The following SVEP1 variants were observed in gnomAD, a reference collection of about 807,000 sequenced individuals.
SVEP1 encodes sushi, von Willebrand factor type A, EGF and pentraxin domain containing 1, also known as sushi, von Willebrand factor type A, EGF and pentraxin domain-containing protein 1.
SVEP1 carries 164 observed loss-of-function variants against 367.3 expected under a neutral mutation model. The observed-to-expected ratio is 0.45, with a 90% CI of 0.39 to 0.51. The LOEUF (loss-of-function observed/expected upper bound fraction) is 0.51, where lower values mean the gene tolerates loss of function less well. Ranked by LOEUF, SVEP1 falls within the 20% of genes least tolerant of loss-of-function variation. The pLI, the probability that SVEP1 is intolerant of heterozygous loss-of-function variation, is 0.00. For missense variants in SVEP1, 4,117 were observed against 4,425.3 expected, an observed-to-expected ratio of 0.93 and a Z score of 1.98; for synonymous variants, 1,666 against 1,611.6, an observed-to-expected ratio of 1.03 and a Z score of -0.81.
chr9:110,487,500 A>ATAG (rs1491326013), intron 9 of SVEP1, among the ~76,000 whole-genome samples: 1 of 152,238 alleles, frequency 6.6e-6, no homozygotes, highest in Non-Finnish European at 1.5e-5. Flanking sequence ...GCATTGTGAA[A>ATAG]TAGTCTGATT....
intron 1 of SVEP1, among the ~76,000 whole-genome samples, chr9:110,556,529 C>G (rs1830359787): frequency 1.3e-5 from 2 of 152,196 alleles, no homozygotes; most frequent in South Asian, 4.1e-4. Flanking sequence ...AAGTCTCACT[C>G]TGTCACCCAG....
chr9:110,531,447 C>A (rs568960175), intron 3 of SVEP1, among the ~76,000 whole-genome samples: 1 of 152,060 alleles, frequency 6.6e-6, no homozygotes, highest in Admixed American at 6.6e-5. Flanking sequence ...ATGCTGTTCT[C>A]GTGACAGTGA....
chr9:110,447,081 A>T, intron 24 of SVEP1, 24 bp from the exon 25 acceptor site: 1 of 1,448,970 alleles, frequency 6.9e-7, no homozygotes, highest in Non-Finnish European at 9.1e-7. Flanking sequence ...AAATGTTGTA[A>T]CAATTAGAAC....
chr9:110,465,295 T>G (rs1328846420), intron 18 of SVEP1, among the ~76,000 whole-genome samples: 5 of 140,154 alleles, frequency 3.6e-5, no homozygotes, highest in Admixed American at 1.4e-4. Flanking sequence ...TGGGGAAACT[T>G]AAAAAAAAAA....
intron 1 of SVEP1, 59 bp downstream of exon 1, chr9:110,578,954 A>T: frequency 6.6e-7 from 1 of 1,518,226 alleles, no homozygotes. Context: ...ACGGGCAGGC[A>T]GCGGTGGGTC....
chr9:110,476,504 G>A (rs181578196), intron 13 of SVEP1, among the ~76,000 whole-genome samples, 189 bp from the exon 14 acceptor site: 3 of 152,214 alleles, frequency 2.0e-5, no homozygotes, highest in Non-Finnish European at 4.4e-5. Flanking sequence ...TGGTCACCAG[G>A]ATTAGTTTCA....
At chr9:110,391,543 G>A (rs1564128044) in intron 40 of SVEP1, among the ~76,000 whole-genome samples, 1 of 151,978 alleles carries the variant, frequency 6.6e-6, no homozygotes, top group Non-Finnish European at 1.5e-5. Flanking sequence ...AAGTGCTGAG[G>A]TTATAGGCGT....
chr9:110,463,797 A>G (rs897034793), intron 18 of SVEP1, among the ~76,000 whole-genome samples: 1 of 151,942 alleles, frequency 6.6e-6, no homozygotes, highest in African/African-American at 2.4e-5. Context: ...TATATAAGGG[A>G]CCGTTTTAGA....
At chr9:110,512,739 G>C in intron 5 of SVEP1, 187 bp downstream of exon 5, 1 of 725,354 alleles carries the variant, frequency 1.4e-6, no homozygotes, top group South Asian at 1.8e-5. Flanking sequence ...AAAAGGCGTA[G>C]TTTACAATTA....
At position 110,546,346 on chromosome 9, in the gene SVEP1, A is replaced by G. The variant is rs1381235042; in HGVS notation, c.788-55T>C. On this transcript the variant is annotated intron_variant, in intron 2 of 47. Transcript: ENST00000374469. ...AAAATGAGTCACAGTTCAATGTTAC[A>G]TTCTCTGGTCATTAAAATTTAAGTG... is the stretch of plus-strand genomic sequence containing the variant. 4.6e-6 allele frequency: 7 copies of G among 1,513,386 alleles called. No individual in the cohort carries two copies. The South Asian group carries it at 7.5e-5, about 16-fold the overall frequency. 93.7% of individuals were successfully genotyped at this position (1,513,386 alleles called of 1,614,324 possible). A position where few individuals can be genotyped will look rare whatever the true frequency, so the allele number is the denominator to read the frequency against.
At chr9:110,540,591 C>T (rs369044716) in intron 3 of SVEP1, among the ~76,000 whole-genome samples, 2 of 152,188 alleles carry the variant, frequency 1.3e-5, no homozygotes, top group South Asian at 2.1e-4. Flanking sequence ...GAGAAAAGAA[C>T]AAGAACGACA....
At chr9:110,393,931 G>T (rs1827711847) in intron 40 of SVEP1, among the ~76,000 whole-genome samples, 1 of 152,190 alleles carries the variant, frequency 6.6e-6, no homozygotes, top group African/African-American at 2.4e-5. Context: ...ACCTCTGGGG[G>T]CAGGGCACAG....
At chr9:110,562,322 TA>T (rs1358653821) in intron 1 of SVEP1, among the ~76,000 whole-genome samples, 2 of 152,106 alleles carry the variant, frequency 1.3e-5, no homozygotes, top group Admixed American at 6.6e-5. Context: ...TATTACAGGA[TA>T]AAAAATCAAA....
At chr9:110,383,284 G>A (rs1827467529) in intron 43 of SVEP1, among the ~76,000 whole-genome samples, 1 of 152,026 alleles carries the variant, frequency 6.6e-6, no homozygotes, top group Non-Finnish European at 1.5e-5. Flanking sequence ...TGTTGTTGCT[G>A]CTTTCTCTTT....
chr9:110,444,098 T>C (rs1303545161), intron 26 of SVEP1, among the ~76,000 whole-genome samples: 1 of 152,210 alleles, frequency 6.6e-6, no homozygotes, highest in Admixed American at 6.5e-5. Context: ...TCTTCCAGAA[T>C]GTAAGTTTCT....
At chr9:110,443,208 T>C (rs897835763) in intron 27 of SVEP1, 2 of 190,422 alleles carry the variant, frequency 1.1e-5, no homozygotes, top group Non-Finnish European at 1.1e-5. Flanking sequence ...GCTTATATAC[T>C]GATTACAAAA....
At chr9:110,372,675 A>G (rs899648879) in intron 46 of SVEP1, among the ~76,000 whole-genome samples, 3 of 152,194 alleles carry the variant, frequency 2.0e-5, no homozygotes, top group African/African-American at 7.2e-5. Flanking sequence ...GGGTTGAGTG[A>G]GGCTAGAATA....
At chr9:110,413,948 G>T (rs761648985) in intron 36 of SVEP1, among the ~76,000 whole-genome samples, 5 of 152,030 alleles carry the variant, frequency 3.3e-5, no homozygotes, top group Non-Finnish European at 5.9e-5. Context: ...GAAATAAAGT[G>T]AATGGTGGTT....
chr9:110,525,350 C>T (rs1465766916), intron 3 of SVEP1, among the ~76,000 whole-genome samples: 6 of 152,194 alleles, frequency 3.9e-5, no homozygotes, highest in African/African-American at 9.6e-5. Context: ...AATATGTTTA[C>T]AATTATTTAC....
Sources: gnomAD v4.1 joint callset for allele counts (sites outside exome capture counted in the v4.1 genomes callset) on GRCh38, gnomAD v4.1.1 for gene constraint, MANE v1.5 for transcripts, NCBI Gene and HGNC (gene_info 2026-07-23, HGNC 2026-07-21) for gene names.